Variants in XXYLT1 observed in about 807,000 individuals in gnomAD.
The protein encoded by XXYLT1 is xyloside xylosyltransferase 1, also known as UDP-xylose:alpha-xyloside alpha-1,3-xylosyltransferase.
Under a neutral mutation model 28.9 loss-of-function variants are expected in XXYLT1, and 20 were observed. The ratio of observed to expected loss-of-function variants is 0.69; its 90% confidence interval spans 0.49 to 1.00. The LOEUF is 1.00. XXYLT1 is among the 50% of genes least tolerant of loss of function. The pLI is 0.00. For synonymous variants in XXYLT1, 257 were observed against 253.8 expected (o/e 1.01, Z -0.12); for missense variants, 542 against 560.1 (o/e 0.97, Z 0.33).
intron 3 of XXYLT1, among the ~76,000 whole-genome samples, chr3:195,081,128 C>G (rs1715408923): frequency 6.6e-6 from 1 of 152,170 alleles, no homozygotes; most frequent in Admixed American, 6.5e-5. Context: ...TCAGATGTCA[C>G]TGTGCCTGGG....
chr3:195,152,600 G>C (rs1720338884), intron 3 of XXYLT1: 1 of 152,208 alleles, frequency 6.6e-6, no homozygotes, highest in Non-Finnish European at 1.5e-5. Flanking sequence ...AGGGGGAACT[G>C]TGAAACAATG....
intron 3 of XXYLT1, chr3:195,152,291 A>T (rs1560123008): frequency 6.5e-6 from 1 of 152,744 alleles, no homozygotes; most frequent in Middle Eastern, 3.4e-3. Flanking sequence ...AACTAAACAC[A>T]TCACCACTGA....
chr3:195,143,788 A>ATATATATC (rs1719615458), intron 3 of XXYLT1, among the ~76,000 whole-genome samples: 1 of 121,360 alleles, frequency 8.2e-6, no homozygotes, highest in Non-Finnish European at 1.7e-5. Context: ...CTCTCATTAT[A>ATATATATC]TATATATATA....
rs1219603991 is a variant in XXYLT1, at chr3:195,217,165, A to G, written c.652+9544T>C. On this transcript the variant is annotated intron_variant, in intron 2 of 3. Coordinates refer to ENST00000310380, the MANE Select transcript of XXYLT1 (RefSeq NM_152531.5). Reference sequence around the variant, plus strand: ...TTAGGTATTGATGGGATGTATTTCAAAATAATAAGAGCTATCTATGACAAA... The same window carrying G: ...TTAGGTATTGATGGGATGTATTTCAGAATAATAAGAGCTATCTATGACAAA... Among the ~76,000 whole-genome samples, 88 of 88,776 alleles carry G rather than the reference A, an allele frequency of 9.9e-4. No homozygotes were observed. The Middle Eastern group carries it at 0.016, about 16-fold the overall frequency. The allele number at this position is 88,776 out of a possible 152,430, so 58.2% of individuals were successfully genotyped here. A position where few individuals can be genotyped will look rare whatever the true frequency, so the allele number is the denominator to read the frequency against.
chr3:195,095,831 T>C (rs1213572064), intron 3 of XXYLT1: 2 of 152,056 alleles, frequency 1.3e-5, no homozygotes, highest in Non-Finnish European at 2.9e-5. Flanking sequence ...TCAACAGGGA[T>C]GAGTAAGGTG....
rs530237869 is a variant in XXYLT1 at position 195,257,494 on chromosome 3, G to A, written c.504+13061C>T. On this transcript the variant is annotated intron_variant, in intron 1 of 3. Coordinates refer to ENST00000310380, the MANE Select transcript of XXYLT1 (RefSeq NM_152531.5). This position sits in a 1 kb window ranked among gnomAD's most constrained non-coding sequence, Gnocchi z 4.3. ...AAGGCGAGTTAATCAGATGAAGATG[G>A]GAGGAATGGGTGATCCGGGGAAGAA... Among the ~76,000 whole-genome samples the A allele has an allele frequency of 6.6e-6, 1 of 152,194 alleles. No homozygotes were observed. Among genetic ancestry groups the A allele is most frequent in the Non-Finnish European group, 1.5e-5 (1 of 68,026 alleles).
chr3:195,228,780 A>G (rs1258501306), intron 1 of XXYLT1, among the ~76,000 whole-genome samples: 3 of 146,028 alleles, frequency 2.1e-5, no homozygotes, highest in Non-Finnish European at 3.0e-5. Context: ...GATCCACCAC[A>G]CCCGGCCTAT....
chr3:195,148,887 G>A (rs1044535315), intron 3 of XXYLT1, among the ~76,000 whole-genome samples: 2 of 152,300 alleles, frequency 1.3e-5, no homozygotes, highest in East Asian at 1.9e-4. Flanking sequence ...ATTTACAGAC[G>A]AAATGCTGTG....
intron 2 of XXYLT1, among the ~76,000 whole-genome samples, chr3:195,183,019 G>C (rs1240326925): frequency 6.6e-6 from 1 of 152,136 alleles, no homozygotes; most frequent in African/African-American, 2.4e-5. Context: ...GCCTTGTGAG[G>C]TGCATGTTCT....
chr3:195,166,972 C>T (rs60374993), intron 2 of XXYLT1, among the ~76,000 whole-genome samples: 6,380 of 151,794 alleles, frequency 0.042, 448 homozygotes, highest in African/African-American at 0.15. Context: ...CCACCGCGCC[C>T]GGCCATGGGC....
intron 3 of XXYLT1, chr3:195,087,171 G>A (rs10933697): frequency 0.15 from 23,517 of 152,320 alleles, 2,656 homozygotes; most frequent in African/African-American, 0.32. Flanking sequence ...CAGCAAACCC[G>A]CCTTTCCTGC....
intron 1 of XXYLT1, among the ~76,000 whole-genome samples, chr3:195,230,169 T>C (rs1376759669): frequency 6.6e-6 from 1 of 152,246 alleles, no homozygotes; most frequent in African/African-American, 2.4e-5. Flanking sequence ...ATGTTTGCCA[T>C]TTGTATGTCT....
chr3:195,185,037 C>G (rs923146658), intron 2 of XXYLT1, among the ~76,000 whole-genome samples: 1 of 147,824 alleles, frequency 6.8e-6, no homozygotes, highest in African/African-American at 2.5e-5. Flanking sequence ...AGTGACAGCT[C>G]CACAAATGAC....
At chr3:195,215,000 G>C (rs1347289650) in intron 2 of XXYLT1, 2 of 151,422 alleles carry the variant, frequency 1.3e-5, no homozygotes, top group African/African-American at 4.9e-5. Context: ...AGCCAGAAGA[G>C]AGTGGGGGCC....
intron 2 of XXYLT1, among the ~76,000 whole-genome samples, chr3:195,178,958 T>C (rs529694243): frequency 1.2e-3 from 180 of 151,792 alleles, no homozygotes; most frequent in Non-Finnish European, 2.2e-3. Flanking sequence ...AAGAGGCTAC[T>C]CTGAAGGTGG....
intron 3 of XXYLT1, among the ~76,000 whole-genome samples, chr3:195,099,765 A>T (rs908353919): frequency 6.9e-6 from 1 of 145,516 alleles, no homozygotes; most frequent in Non-Finnish European, 1.5e-5. Context: ...TGGGAGGCGG[A>T]GCTTGCAGTG....
At chr3:195,145,479 T>C (rs1483109138) in intron 3 of XXYLT1, among the ~76,000 whole-genome samples, 1 of 148,794 alleles carries the variant, frequency 6.7e-6, no homozygotes, top group Non-Finnish European at 1.5e-5. Context: ...TGAAGCCACA[T>C]GAATGGGCAC....
chr3:195,199,744 G>T (rs2108762729), intron 2 of XXYLT1, among the ~76,000 whole-genome samples: 1 of 152,022 alleles, frequency 6.6e-6, no homozygotes, highest in South Asian at 2.1e-4. Flanking sequence ...CAAAAATCAG[G>T]CTGCAGAGAT....
chr3:195,184,943 T>C (rs929407529), intron 2 of XXYLT1: 7 of 562,888 alleles, frequency 1.2e-5, no homozygotes, highest in African/African-American at 1.2e-4. Flanking sequence ...TGGGCATTTA[T>C]ACAGCTCATT....
Sources: gnomAD v4.1 joint callset for allele counts (sites outside exome capture counted in the v4.1 genomes callset) on GRCh38, gnomAD v4.1.1 for gene constraint, Gnocchi (gnomAD v3.1) non-coding constraint, MANE v1.5 for transcripts, NCBI Gene and HGNC (gene_info 2026-07-23, HGNC 2026-07-21) for gene names.